CTNNA2: variants seen among roughly 807,000 people sequenced by gnomAD.
CTNNA2 encodes catenin alpha 2, also known as catenin alpha-2.
In CTNNA2, 42 loss-of-function variants were observed where a neutral mutation model predicts 101.0. That is an observed-to-expected ratio of 0.42 (90% confidence interval 0.32 to 0.54). The LOEUF (loss-of-function observed/expected upper bound fraction) is 0.54, where lower values mean the gene tolerates loss of function less well. Ranked by LOEUF, CTNNA2 falls within the 20% of genes least tolerant of loss-of-function variation. The pLI, the probability that CTNNA2 is intolerant of heterozygous loss-of-function variation, is 0.14. For synonymous variants in CTNNA2, 450 were observed against 456.4 expected (o/e 0.99, Z 0.18); for missense variants, 871 against 1,223.1 (o/e 0.71, Z 4.29).
chr2:80,394,747 C>T (rs1348186604), intron 8 of CTNNA2, among the ~76,000 whole-genome samples: 4 of 149,808 alleles, frequency 2.7e-5, no homozygotes, highest in Admixed American at 2.6e-4. Context: ...AATAAGGAGC[C>T]AAACTAGATC....
At chr2:80,642,962 G>A (rs1673655764) in intron 18 of CTNNA2, among the ~76,000 whole-genome samples, 1 of 151,884 alleles carries the variant, frequency 6.6e-6, no homozygotes, top group South Asian at 2.1e-4. Flanking sequence ...AGAGGCAGGG[G>A]AAAAAAAGAC....
chr2:79,315,450 G>C (rs1558621925), intron 3 of CTNNA2, among the ~76,000 whole-genome samples: 1 of 152,072 alleles, frequency 6.6e-6, no homozygotes, highest in Admixed American at 6.6e-5. Context: ...CTACTTGTCT[G>C]TTCCTATGCA....
intron 7 of CTNNA2, among the ~76,000 whole-genome samples, chr2:80,023,074 G>C (rs930871124): frequency 6.6e-6 from 1 of 152,196 alleles, no homozygotes; most frequent in Non-Finnish European, 1.5e-5. Flanking sequence ...TATGGTAAGC[G>C]TGGGCATCTT....
chr2:80,287,320 C>T (rs1265020353), intron 7 of CTNNA2, among the ~76,000 whole-genome samples: 2 of 152,058 alleles, frequency 1.3e-5, no homozygotes, highest in East Asian at 1.9e-4. Flanking sequence ...TCCCCCCTCC[C>T]GTGATACCTT....
intron 4 of CTNNA2, among the ~76,000 whole-genome samples, chr2:79,859,393 C>T (rs1681407038): frequency 6.6e-6 from 1 of 152,150 alleles, no homozygotes; most frequent in African/African-American, 2.4e-5. Flanking sequence ...TAACTATTCT[C>T]TGTCAAAAAA....
chr2:79,963,515 G>A (rs1689810262), intron 7 of CTNNA2, among the ~76,000 whole-genome samples: 1 of 152,130 alleles, frequency 6.6e-6, no homozygotes, highest in South Asian at 2.1e-4. Flanking sequence ...ATTCCAGATA[G>A]CCCATGTCAG....
intron 3 of CTNNA2, among the ~76,000 whole-genome samples, chr2:79,342,734 C>A (rs1379384127): frequency 6.6e-6 from 1 of 152,192 alleles, no homozygotes; most frequent in Admixed American, 6.5e-5. Context: ...TCCCTACCTG[C>A]AGATCCTCTC....
intron 7 of CTNNA2, among the ~76,000 whole-genome samples, chr2:80,093,373 A>G (rs1259278174): frequency 2.6e-5 from 4 of 152,172 alleles, no homozygotes; most frequent in Non-Finnish European, 4.4e-5. Flanking sequence ...CATGGTGTAC[A>G]TGTGCCACAT....
chr2:80,423,685 G>A (rs1368384199), intron 9 of CTNNA2, among the ~76,000 whole-genome samples: 1 of 152,128 alleles, frequency 6.6e-6, no homozygotes, highest in Non-Finnish European at 1.5e-5. Flanking sequence ...GGTCCAGACA[G>A]GTTTATTGCT....
intron 2 of CTNNA2, among the ~76,000 whole-genome samples, chr2:79,280,685 A>G (rs4241274): frequency 0.21 from 18,390 of 87,550 alleles, 1,579 homozygotes; most frequent in South Asian, 0.26. Context: ...GAGAGAGAGA[A>G]AGAGAGAGAG....
chr2:79,964,612 T>C (rs150494250), intron 7 of CTNNA2, among the ~76,000 whole-genome samples: 184 of 152,280 alleles, frequency 1.2e-3, no homozygotes, highest in African/African-American at 4.3e-3. Flanking sequence ...TTCTAAATAA[T>C]GAATTAGAGA....
At chr2:79,516,134 A>G (rs1671794556) in intron 1 of CTNNA2, among the ~76,000 whole-genome samples, 1 of 152,188 alleles carries the variant, frequency 6.6e-6, no homozygotes, top group Admixed American at 6.5e-5. Context: ...CCTTGTGTAC[A>G]ATTTAAATCT....
At chr2:79,210,458 CACACACACAA>C (rs1674157243) in intron 2 of CTNNA2, among the ~76,000 whole-genome samples, 1 of 152,090 alleles carries the variant, frequency 6.6e-6, no homozygotes, top group Non-Finnish European at 1.5e-5. Context: ...CCTCCCACAG[CACACACACAA>C]ACACACCCAC....
Position 80,393,110 on chromosome 2 carries a change from T to G in CTNNA2, c.1057-101T>G, listed in dbSNP as rs3770306. 85,150 of 813,320 alleles carry G rather than the reference T, an allele frequency of 0.1. 7,524 individuals carry two copies. Among genetic ancestry groups the G allele is most frequent in the East Asian group, 0.44 (16,141 of 36,440 alleles). The allele number at this position is 813,320 out of a possible 1,614,324, so 50.4% of individuals were successfully genotyped here. A position where few individuals can be genotyped will look rare whatever the true frequency, so the allele number is the denominator to read the frequency against. ...ATTGAAAATAATCTTTTTAAAAAATTGTTTGAATTTAACTTCTCATGTTTT... is the reference window on the plus strand; with the variant it reads ...ATTGAAAATAATCTTTTTAAAAAATGGTTTGAATTTAACTTCTCATGTTTT... On this transcript the variant is annotated intron_variant, in intron 7 of 18. Transcript: ENST00000402739.
chr2:80,033,935 A>G (rs917367267), intron 7 of CTNNA2, among the ~76,000 whole-genome samples: 2 of 150,078 alleles, frequency 1.3e-5, no homozygotes, highest in Admixed American at 6.7e-5. Flanking sequence ...TGAGCCACAC[A>G]CCAGCATAGA....
intron 1 of CTNNA2, among the ~76,000 whole-genome samples, chr2:79,544,840 A>G (rs1408132667): frequency 6.6e-6 from 1 of 152,106 alleles, no homozygotes; most frequent in Non-Finnish European, 1.5e-5. Flanking sequence ...CAGCTCAGGT[A>G]GACTGACTTT....
rs1046547194 is a variant in CTNNA2, at chr2:79,413,182, G to A, written c.-135+39169G>A. Among the ~76,000 whole-genome samples the A allele has an allele frequency of 2.6e-5, 4 of 151,928 alleles. No homozygotes were observed. The South Asian group carries it at 6.2e-4, about 24-fold the overall frequency. Reference sequence around the variant, plus strand: ...TTTGCTTTTTTGCAGGGGTGGCTGGGGAGGGGGTGGTTCTGGGAAAAAATG... The same window carrying A: ...TTTGCTTTTTTGCAGGGGTGGCTGGAGAGGGGGTGGTTCTGGGAAAAAATG... On this transcript the variant is annotated intron_variant, in intron 4 of 21. Transcript: ENST00000466387.
chr2:80,354,632 C>A lies in CTNNA2; in HGVS notation c.1057-38579C>A, dbSNP rs550998351. ...GAAGTCTTAGGGAGGATAGCATTTC[C>A]GTAATTTAAATATTTGAATACATGA... On this transcript the variant is annotated intron_variant, in intron 7 of 18. Transcript: ENST00000402739. 3.3e-5 allele frequency among the ~76,000 whole-genome samples: 5 copies of A among 152,088 alleles called. No homozygotes were observed. In the South Asian group the frequency reaches 1.0e-3, roughly 32 times the overall value.
chr2:79,846,266 CA>C (rs779298472), intron 3 of CTNNA2, among the ~76,000 whole-genome samples: 27 of 152,190 alleles, frequency 1.8e-4, no homozygotes, highest in Non-Finnish European at 2.5e-4. Flanking sequence ...TTTGTTTAGC[CA>C]AAGACTCCTT....
Sources: allele counts gnomAD v4.1 joint callset (sites outside exome capture counted in the v4.1 genomes callset), GRCh38; gene constraint gnomAD v4.1.1; transcripts MANE v1.5; gene names NCBI Gene and HGNC (gene_info 2026-07-23, HGNC 2026-07-21).